The following PRTG variants were observed in gnomAD, a reference collection of about 807,000 sequenced individuals.
PRTG encodes immunoglobulin superfamily, DCC subclass, member 5.
In PRTG, 67 loss-of-function variants were observed where a neutral mutation model predicts 122.5. The observed-to-expected ratio is 0.55, with a 90% CI of 0.45 to 0.67. PRTG has a LOEUF of 0.67. Among genes scored for constraint, PRTG ranks in the 30% least tolerant of loss-of-function variants. The probability of loss-of-function intolerance (pLI) is 0.00; values close to 1 mark genes in which losing one functional copy is unlikely to be tolerated. For missense variants in PRTG, 1,435 were observed against 1,415.4 expected, an observed-to-expected ratio of 1.01 and a Z score of -0.22; for synonymous variants, 554 against 501.1, an observed-to-expected ratio of 1.11 and a Z score of -1.41.
chr15:55,683,436 G>T (rs1453572935), intron 3 of PRTG, among the ~76,000 whole-genome samples: 1 of 152,136 alleles, frequency 6.6e-6, no homozygotes, highest in Non-Finnish European at 1.5e-5. Context: ...AGCTACCAGG[G>T]CATACATGAA....
intron 11 of PRTG, 96 bp from the exon 12 acceptor site, chr15:55,641,304 G>C: frequency 1.3e-6 from 1 of 769,576 alleles, no homozygotes; most frequent in Non-Finnish European, 2.1e-6. Flanking sequence ...TTAAAAACCT[G>C]CTGAATGCAT....
intron 15 of PRTG, among the ~76,000 whole-genome samples, chr15:55,633,965 C>T (rs71476737): frequency 0.15 from 22,502 of 151,748 alleles, 2,170 homozygotes; most frequent in African/African-American, 0.27. Flanking sequence ...ATCCCTTTCA[C>T]TACTGAGCCA....
chr15:55,727,891 C>G (rs776500071), intron 2 of PRTG, among the ~76,000 whole-genome samples: 1 of 152,162 alleles, frequency 6.6e-6, no homozygotes, highest in Non-Finnish European at 1.5e-5. Flanking sequence ...TATTTAGAGA[C>G]AGAGTCTCTG....
At chr15:55,625,836 T>C (rs1016747377) in intron 17 of PRTG, among the ~76,000 whole-genome samples, 1 of 152,098 alleles carries the variant, frequency 6.6e-6, no homozygotes, top group Non-Finnish European at 1.5e-5. Context: ...TTGGTCAGGC[T>C]GGTCTTGAAC....
intron 16 of PRTG, among the ~76,000 whole-genome samples, chr15:55,627,492 G>GTTTTTTTTTTTTTTTTTTT (rs35022592): frequency 9.5e-6 from 1 of 104,776 alleles, no homozygotes; most frequent in Non-Finnish European, 1.8e-5. Flanking sequence ...GCCCAGCTAA[G>GTTTTTTTTTTTTTTTTTTT]TTTTTTTTTT....
chr15:55,676,020 T>C (rs1352639990), intron 8 of PRTG, among the ~76,000 whole-genome samples: 1 of 152,138 alleles, frequency 6.6e-6, no homozygotes. Context: ...TTCATAACAG[T>C]GTAAACTTTA....
At position 55,619,212 on chromosome 15, in the gene PRTG, C is replaced by T. The variant is rs932862474; in HGVS notation, c.*800G>A. The T allele has an allele frequency of 6.6e-6, 1 of 152,108 alleles. No individual in the cohort carries two copies. The allele number at this position is 152,108 out of a possible 1,614,324, so 9.4% of individuals were successfully genotyped here. A position where few individuals can be genotyped will look rare whatever the true frequency, so the allele number is the denominator to read the frequency against. ...AGCACTCAGACTCTAATGCCCAAAACATAAAGGCCTTTTAAGCAAAATGAT... is the reference window on the plus strand; with the variant it reads ...AGCACTCAGACTCTAATGCCCAAAATATAAAGGCCTTTTAAGCAAAATGAT... On this transcript the variant is annotated 3_prime_UTR_variant, in exon 20 of 20. Coordinates refer to ENST00000389286, the MANE Select transcript of PRTG (RefSeq NM_173814.6).
At chr15:55,692,835 C>T (rs1281915545) in intron 2 of PRTG, among the ~76,000 whole-genome samples, 10 of 74,974 alleles carry the variant, frequency 1.3e-4, no homozygotes, top group African/African-American at 1.5e-4. Context: ...AATGCAATCT[C>T]TTTTTTTTTT....
intron 18 of PRTG, among the ~76,000 whole-genome samples, chr15:55,623,239 T>C (rs1178178672): frequency 6.6e-6 from 1 of 152,136 alleles, no homozygotes; most frequent in African/African-American, 2.4e-5. Context: ...CCTATCATCA[T>C]CATCTTGGAT....
intron 2 of PRTG, among the ~76,000 whole-genome samples, chr15:55,706,870 C>T (rs1342190990): frequency 6.6e-6 from 1 of 152,128 alleles, no homozygotes; most frequent in South Asian, 2.1e-4. Flanking sequence ...CAGAGCTTTG[C>T]CTACTTACAT....
Position 55,686,401 on chromosome 15 carries a change from AGTTT to A in PRTG, c.398-2474_398-2471del, listed in dbSNP as rs1049253204. 4.2e-3 allele frequency among the ~76,000 whole-genome samples: 639 copies of A among 152,036 alleles called. 7 individuals carry two copies. Among genetic ancestry groups the A allele is most frequent in the African/African-American group, 0.015 (604 of 41,386 alleles). On this transcript the variant is annotated intron_variant, in intron 2 of 19. Coordinates refer to ENST00000389286, the MANE Select transcript of PRTG (RefSeq NM_173814.6). ...CTCTCCAGACTGAAATATCTTACTTAGTTTAAATTTTTTTTACAGAACAGAAGCT... is the reference window on the plus strand; with the variant it reads ...CTCTCCAGACTGAAATATCTTACTTAAAATTTTTTTTACAGAACAGAAGCT...
At chr15:55,667,124 G>C (rs1400976539) in intron 11 of PRTG, among the ~76,000 whole-genome samples, 2 of 151,204 alleles carry the variant, frequency 1.3e-5, no homozygotes, top group Non-Finnish European at 2.9e-5. Context: ...ATGTAAAGAG[G>C]AGATATACCT....
At chr15:55,690,037 AAT>A (rs1491264298) in intron 2 of PRTG, among the ~76,000 whole-genome samples, 4 of 152,358 alleles carry the variant, frequency 2.6e-5, no homozygotes, top group Non-Finnish European at 5.9e-5. Flanking sequence ...ATATGAAAAC[AAT>A]ATCTCTGCTA....
rs1287196817 is a variant in PRTG at position 55,629,104 on chromosome 15, A to T, written c.2624-100T>A. On this transcript the variant is annotated intron_variant, in intron 15 of 19. Coordinates refer to ENST00000389286, the MANE Select transcript of PRTG (RefSeq NM_173814.6). Reference sequence around the variant, plus strand: ...CTTTATTTTTAAAAATATTTTTCTGATTATAAAGATGACACATATTGTAGA... The same window carrying T: ...CTTTATTTTTAAAAATATTTTTCTGTTTATAAAGATGACACATATTGTAGA... The T allele has an allele frequency of 1.4e-5, 10 of 697,178 alleles. No individual in the cohort carries two copies. In the Admixed American group the frequency reaches 2.5e-4, roughly 17 times the overall value. 43.2% of individuals were successfully genotyped at this position (697,178 alleles called of 1,614,324 possible).
intron 14 of PRTG, among the ~76,000 whole-genome samples, chr15:55,637,839 A>T (rs770314392): frequency 3.3e-5 from 5 of 152,166 alleles, no homozygotes; most frequent in Non-Finnish European, 7.3e-5. Flanking sequence ...TATATCTGTG[A>T]AAAACAGTAA....
intron 2 of PRTG, among the ~76,000 whole-genome samples, chr15:55,729,618 AAT>A (rs1203110908): frequency 6.6e-6 from 1 of 151,754 alleles, no homozygotes; most frequent in Non-Finnish European, 1.5e-5. Context: ...AAATAAAATA[AAT>A]ATATATATGT....
chr15:55,651,904 A>AT (rs1284357223), intron 11 of PRTG, among the ~76,000 whole-genome samples: 1 of 152,162 alleles, frequency 6.6e-6, no homozygotes, highest in East Asian at 1.9e-4. Context: ...AGAGAGTTTT[A>AT]TTTCCCATCC....
intron 15 of PRTG, among the ~76,000 whole-genome samples, chr15:55,634,800 T>C (rs904320224): frequency 7.9e-5 from 12 of 151,594 alleles, no homozygotes; most frequent in African/African-American, 1.2e-4. Context: ...CAAGATCCAC[T>C]GTACTCCAGC....
rs769151966 is a variant in PRTG, at chr15:55,672,621, G to A, written c.1865C>T (p.Pro622Leu). Residue 622 changes from proline (P) to leucine (L), a missense_variant, in exon 11 of 20, where the codon CCA (proline) becomes CTA (leucine). Physicochemically the swap from Pro to Leu is moderately conservative, Grantham distance 98. Transcript: ENST00000389286. ...GTTCAGAGGCTCCAAATGCAACTCT[G>A]GAGACTTAGGGGCTAGCAAAATTCA... ...KATSVKAPKSPELHLEPLNCT... is the reference protein window; with the variant it reads ...KATSVKAPKSLELHLEPLNCT... 1 of 1,612,316 alleles carries A rather than the reference G, an allele frequency of 6.2e-7. No individual in the cohort carries two copies. The highest frequency in any genetic ancestry group is 1.1e-5 in the South Asian group (1 of 90,620).
Sources: gnomAD v4.1 joint callset for allele counts (sites outside exome capture counted in the v4.1 genomes callset) on GRCh38, gnomAD v4.1.1 for gene constraint, MANE v1.5 for transcripts, NCBI Gene and HGNC (gene_info 2026-07-23, HGNC 2026-07-21) for gene names.